The following GNG2 variants were observed in gnomAD, a reference collection of about 807,000 sequenced individuals.
GNG2 encodes guanine nucleotide-binding protein G(I)/G(S)/G(O) subunit gamma-2.
A neutral mutation model predicts 5.5 loss-of-function variants in GNG2; 5 were observed. That is an observed-to-expected ratio of 0.91 (90% CI 0.48 to 1.92). The LOEUF (loss-of-function observed/expected upper bound fraction) is 1.92, where lower values mean the gene tolerates loss of function less well. GNG2 is among the 30% of genes most tolerant of loss of function. The pLI, the probability that GNG2 is intolerant of heterozygous loss-of-function variation, is 0.01. For synonymous variants in GNG2, 28 were observed against 32.0 expected (o/e 0.88, Z 0.42); for missense variants, 55 against 88.4 (o/e 0.62, Z 1.52).
intron 2 of GNG2, among the ~76,000 whole-genome samples, chr14:51,925,939 T>C (rs1345052723): frequency 6.6e-6 from 1 of 151,944 alleles, no homozygotes; most frequent in Non-Finnish European, 1.5e-5. Context: ...TTAAATATAC[T>C]TGGAGAGGTG....
At chr14:51,838,548 C>A (rs1881403406) in intron 2 of GNG2, among the ~76,000 whole-genome samples, 2 of 152,232 alleles carry the variant, frequency 1.3e-5, no homozygotes, top group Middle Eastern at 3.4e-3. Flanking sequence ...TTACCCAGAT[C>A]TGTTTACTTA....
At chr14:51,853,813 C>T (rs1882022683) in intron 2 of GNG2, among the ~76,000 whole-genome samples, 1 of 152,134 alleles carries the variant, frequency 6.6e-6, no homozygotes. Context: ...ACAGTGTTCT[C>T]TAACCTCTGT....
At chr14:51,863,028 A>G (rs1018798554) in intron 1 of GNG2, among the ~76,000 whole-genome samples, 1 of 151,550 alleles carries the variant, frequency 6.6e-6, no homozygotes, top group Non-Finnish European at 1.5e-5. Context: ...CTGAATGGAA[A>G]CATGACTCCA....
chr14:51,943,421 A>AAAAAAAAAAAATTT, intron 2 of GNG2, among the ~76,000 whole-genome samples: 1 of 152,234 alleles, frequency 6.6e-6, no homozygotes, highest in Non-Finnish European at 1.5e-5. Flanking sequence ...AAAATGAAAA[A>AAAAAAAAAAAATTT]GGGACACTAG....
chr14:51,832,035 T>C (rs1881208254), intron 2 of GNG2, among the ~76,000 whole-genome samples: 1 of 152,196 alleles, frequency 6.6e-6, no homozygotes, highest in African/African-American at 2.4e-5. Flanking sequence ...ATCCAAGCAC[T>C]TTAAGAGGCC....
intron 2 of GNG2, among the ~76,000 whole-genome samples, chr14:51,842,128 C>T (rs539610001): frequency 6.6e-6 from 1 of 152,244 alleles, no homozygotes; most frequent in Non-Finnish European, 1.5e-5. Flanking sequence ...AAATTGAGAT[C>T]CTTCAAAAAT....
At chr14:51,881,251 G>A (rs1040959367) in intron 2 of GNG2, among the ~76,000 whole-genome samples, 5 of 152,110 alleles carry the variant, frequency 3.3e-5, no homozygotes, top group African/African-American at 1.2e-4. Context: ...GAGCAAAATC[G>A]AACTTTTCCC....
intron 2 of GNG2, among the ~76,000 whole-genome samples, chr14:51,945,731 G>A (rs1045661882): frequency 4.6e-5 from 7 of 152,192 alleles, no homozygotes; most frequent in African/African-American, 1.4e-4. Context: ...AAATGAATCA[G>A]TGTAGAGGTC....
At chr14:51,950,221 C>T (rs557599919) in intron 2 of GNG2, among the ~76,000 whole-genome samples, 23 of 152,256 alleles carry the variant, frequency 1.5e-4, no homozygotes, top group African/African-American at 5.1e-4. Context: ...TAAAGTAGAT[C>T]GTTGTGACTC....
chr14:51,935,591 T>C (rs138441717), intron 2 of GNG2, among the ~76,000 whole-genome samples: 2 of 152,328 alleles, frequency 1.3e-5, no homozygotes, highest in African/African-American at 4.8e-5. Flanking sequence ...GAAAAGTGCA[T>C]CTAGCCAGGT....
intron 2 of GNG2, among the ~76,000 whole-genome samples, chr14:51,949,135 A>G (rs1566708242): frequency 6.6e-6 from 1 of 151,772 alleles, no homozygotes; most frequent in Non-Finnish European, 1.5e-5. Flanking sequence ...AAAAAAAAAA[A>G]AGAAAAGAAA....
At chr14:51,865,659 G>T (rs954527004) in intron 1 of GNG2, among the ~76,000 whole-genome samples, 1 of 151,906 alleles carries the variant, frequency 6.6e-6, no homozygotes, top group Non-Finnish European at 1.5e-5. Flanking sequence ...TTAGGGCAAA[G>T]TCTTTATATG....
chr14:51,948,807 G>T (rs926489497), intron 2 of GNG2, among the ~76,000 whole-genome samples: 1 of 151,888 alleles, frequency 6.6e-6, no homozygotes, highest in African/African-American at 2.4e-5. Flanking sequence ...TCATTTTATT[G>T]TCTCCAAACT....
At chr14:51,850,556 C>T (rs1881857673) in intron 2 of GNG2, among the ~76,000 whole-genome samples, 1 of 152,164 alleles carries the variant, frequency 6.6e-6, no homozygotes, top group Non-Finnish European at 1.5e-5. Context: ...CTTCTGGGCA[C>T]TGGGGAACAT....
At chr14:51,877,122 C>T (rs185410090) in intron 1 of GNG2, among the ~76,000 whole-genome samples, 28 of 152,282 alleles carry the variant, frequency 1.8e-4, no homozygotes, top group Non-Finnish European at 3.2e-4. Context: ...CTCTTATAAC[C>T]ACCAACGTGT....
At chr14:51,951,747 T>C in intron 3 of GNG2, 1 of 588,710 alleles carries the variant, frequency 1.7e-6, no homozygotes, top group Non-Finnish European at 3.0e-6. Flanking sequence ...TGCCTATGTT[T>C]ATAAAGAAAG....
chr14:51,873,623 G>A (rs1754905177), intron 1 of GNG2, among the ~76,000 whole-genome samples: 3 of 152,330 alleles, frequency 2.0e-5, no homozygotes, highest in African/African-American at 7.2e-5. Flanking sequence ...TTGGGAAAAA[G>A]GGGAAAAATA....
At chr14:51,869,103 A>G (rs1052168332) in intron 1 of GNG2, among the ~76,000 whole-genome samples, 3 of 152,232 alleles carry the variant, frequency 2.0e-5, no homozygotes, top group African/African-American at 7.2e-5. Flanking sequence ...GCACTAACTA[A>G]TTTGAATAAG....
intron 2 of GNG2, among the ~76,000 whole-genome samples, chr14:51,932,896 G>T (rs1050632723): frequency 2.6e-5 from 4 of 151,788 alleles, no homozygotes; most frequent in African/African-American, 9.7e-5. Flanking sequence ...ATCCTGGGGG[G>T]TGGGGTGGGG....
Sources: allele counts gnomAD v4.1 joint callset (sites outside exome capture counted in the v4.1 genomes callset), GRCh38; gene constraint gnomAD v4.1.1; transcripts MANE v1.5; gene names NCBI Gene and HGNC (gene_info 2026-07-23, HGNC 2026-07-21).